The following STEAP4 variants were observed in gnomAD, a reference collection of about 807,000 sequenced individuals.
The protein encoded by STEAP4 is metalloreductase STEAP4.
In STEAP4, 36 loss-of-function variants were observed where a neutral mutation model predicts 43.6. That is an observed-to-expected ratio of 0.83 (90% CI 0.63 to 1.09). STEAP4 has a LOEUF of 1.09. Ranked by LOEUF, STEAP4 falls within the 50% of genes least tolerant of loss-of-function variation. STEAP4 has a pLI of 0.00. For missense variants in STEAP4, 495 were observed against 546.5 expected, an observed-to-expected ratio of 0.91 and a Z score of 0.94; for synonymous variants, 191 against 196.7, an observed-to-expected ratio of 0.97 and a Z score of 0.24.
At chr7:88,299,206 T>C (rs985916172) in intron 1 of STEAP4, among the ~76,000 whole-genome samples, 1 of 152,200 alleles carries the variant, frequency 6.6e-6, no homozygotes, top group Non-Finnish European at 1.5e-5. Context: ...CTAGTTCAAT[T>C]AAAAATCTCA....
chr7:88,295,426 G>A (rs1039058699), intron 1 of STEAP4, among the ~76,000 whole-genome samples: 2 of 152,216 alleles, frequency 1.3e-5, no homozygotes, highest in Non-Finnish European at 2.9e-5. Flanking sequence ...GAATCAGGTA[G>A]AGAGCCTGAA....
rs1443565576 is a variant in STEAP4, at chr7:88,284,052, T to C, written c.218A>G (p.Lys73Arg). ...EVLSYSEAAK[K>R]SGIIIIAIHR... ...GATTGCTATGATTATGATGCCAGAC[T>C]TCTTGGCTGCTTCTGAATAGCTCAA... Residue 73 changes from lysine (K) to arginine (R), a missense_variant, in exon 2 of 5, where the codon AAG becomes AGG. Lys to Arg is a conservative substitution (Grantham distance 26). Coordinates refer to ENST00000380079, the MANE Select transcript of STEAP4 (RefSeq NM_024636.4). 5 of 1,614,142 alleles carry C rather than the reference T, an allele frequency of 3.1e-6. No individual in the cohort carries two copies. The South Asian group carries it at 4.4e-5, about 14-fold the overall frequency.
chr7:88,279,226 A>C lies in STEAP4; in HGVS notation c.*172T>G. 1.6e-6 allele frequency: 1 copy of C among 619,820 alleles called. No individual in the cohort carries two copies. Among genetic ancestry groups the C allele is most frequent in the Non-Finnish European group, 2.8e-6 (1 of 355,386 alleles). The allele number at this position is 619,820 out of a possible 1,614,324, so 38.4% of individuals were successfully genotyped here. ...CTGAGATAAAATGGTGTTCTCTTCCAGTATGTCAGTCAATTTCTCAAAGAC... is the reference window on the plus strand; with the variant it reads ...CTGAGATAAAATGGTGTTCTCTTCCCGTATGTCAGTCAATTTCTCAAAGAC... On this transcript the variant is annotated 3_prime_UTR_variant, in exon 5 of 5. Coordinates refer to ENST00000380079, the MANE Select transcript of STEAP4 (RefSeq NM_024636.4).
chr7:88,271,025 A>T lies in STEAP4; in HGVS notation c.*8373T>A, dbSNP rs913334164. The T allele has an allele frequency of 2.6e-5, 4 of 152,146 alleles. No homozygotes were observed. Among genetic ancestry groups the T allele is most frequent in the Admixed American group, 2.6e-4 (4 of 15,266 alleles). 9.4% of individuals were successfully genotyped at this position (152,146 alleles called of 1,614,324 possible). A position where few individuals can be genotyped will look rare whatever the true frequency, so the allele number is the denominator to read the frequency against. ...GATTAGGGTAATTAGTATATCCATC[A>T]TCTTAAGCATTTATCATTTCTTTCT... On this transcript the variant is annotated 3_prime_UTR_variant, in exon 5 of 5. Transcript: ENST00000380079.
chr7:88,285,931 T>G (rs1335351936), intron 1 of STEAP4, among the ~76,000 whole-genome samples: 1 of 152,164 alleles, frequency 6.6e-6, no homozygotes, highest in African/African-American at 2.4e-5. Context: ...CCCAACAGGT[T>G]TGCCTTGCCT....
rs1852553012 is a variant in STEAP4, at chr7:88,278,523, A to G, written c.*875T>C. On this transcript the variant is annotated 3_prime_UTR_variant, in exon 5 of 5. Transcript: ENST00000380079. ...ATTTACAAAGCATATTATAATACCT[A>G]AATAATACTTAACCTAATATAGTGC... 1 of 152,218 alleles carries G rather than the reference A, an allele frequency of 6.6e-6. No individual in the cohort carries two copies. The highest frequency in any genetic ancestry group is 1.5e-5 in the Non-Finnish European group (1 of 68,036). The allele number at this position is 152,218 out of a possible 1,614,324, so 9.4% of individuals were successfully genotyped here. A position where few individuals can be genotyped will look rare whatever the true frequency, so the allele number is the denominator to read the frequency against.
chr7:88,283,222 A>C, intron 2 of STEAP4, 54 bp from the exon 3 acceptor site: 2 of 1,485,240 alleles, frequency 1.3e-6, no homozygotes, highest in Non-Finnish European at 1.8e-6. Context: ...CTTATTTAAT[A>C]ATTATTTTGA....
rs956657381 is a variant in STEAP4 at position 88,271,082 on chromosome 7, A to G, written c.*8316T>C. 16 of 152,096 alleles carry G rather than the reference A, an allele frequency of 1.1e-4. No homozygotes were observed. The highest frequency in any genetic ancestry group is 3.6e-4 in the African/African-American group (15 of 41,434). 9.4% of individuals were successfully genotyped at this position (152,096 alleles called of 1,614,324 possible). On this transcript the variant is annotated 3_prime_UTR_variant, in exon 5 of 5. Transcript: ENST00000380079. Reference sequence around the variant, plus strand: ...AACATTCAATATCCTCCTTCTAGCTATTTAGAATATATATTATTGTTAACT... The same window carrying G: ...AACATTCAATATCCTCCTTCTAGCTGTTTAGAATATATATTATTGTTAACT...
At chr7:88,305,688 G>T (rs1401956830) in intron 1 of STEAP4, among the ~76,000 whole-genome samples, 2 of 152,124 alleles carry the variant, frequency 1.3e-5, no homozygotes, top group Non-Finnish European at 2.9e-5. Flanking sequence ...GCATTATTAT[G>T]AAAAAAGTAA....
intron 1 of STEAP4, chr7:88,298,283 T>C (rs1852962737): frequency 6.6e-6 from 1 of 152,104 alleles, no homozygotes; most frequent in African/African-American, 2.4e-5. Context: ...TAGCTCTTTT[T>C]AACTGAGTGA....
intron 1 of STEAP4, chr7:88,304,375 C>G (rs778308332): frequency 1.1e-4 from 17 of 152,098 alleles, no homozygotes; most frequent in Non-Finnish European, 2.2e-4. Context: ...CAGGTAACTT[C>G]AGAGATCTTA....
At chr7:88,285,756 C>CAAAAAA (rs371254467) in intron 1 of STEAP4, among the ~76,000 whole-genome samples, 2 of 78,384 alleles carry the variant, frequency 2.6e-5, no homozygotes, top group Non-Finnish European at 5.0e-5. Flanking sequence ...GACTTTGTCT[C>CAAAAAA]AAAAAAAAAA....
chr7:88,289,573 G>A (rs978919293), intron 1 of STEAP4, among the ~76,000 whole-genome samples: 16 of 152,166 alleles, frequency 1.1e-4, no homozygotes, highest in Non-Finnish European at 2.1e-4. Context: ...GAAGTTGCAC[G>A]CCTCCATCAA....
chr7:88,274,160 C>T lies in STEAP4; in HGVS notation c.*5238G>A, dbSNP rs1035318600. 2 of 152,264 alleles carry T rather than the reference C, an allele frequency of 1.3e-5. No homozygotes were observed. The highest frequency in any genetic ancestry group is 2.4e-5 in the African/African-American group (1 of 41,546). 9.4% of individuals were successfully genotyped at this position (152,264 alleles called of 1,614,324 possible). A position where few individuals can be genotyped will look rare whatever the true frequency, so the allele number is the denominator to read the frequency against. ...TAGTTGTGTGAACTTAGTCAAAGTA[C>T]TGAGATTTCAAAGCTCAGTTTCCTC... On this transcript the variant is annotated 3_prime_UTR_variant, in exon 5 of 5. Coordinates refer to ENST00000380079, the MANE Select transcript of STEAP4 (RefSeq NM_024636.4).
rs1294528171 is a variant in STEAP4 at position 88,274,105 on chromosome 7, G to C, written c.*5293C>G. On this transcript the variant is annotated 3_prime_UTR_variant, in exon 5 of 5. Transcript: ENST00000380079. ...TTAAAAGGAGATGGGCCTGGAGTCAGACTGCCTAGATCCCAGCTCTGCCTC... is the reference window on the plus strand; with the variant it reads ...TTAAAAGGAGATGGGCCTGGAGTCACACTGCCTAGATCCCAGCTCTGCCTC... The C allele has an allele frequency of 2.0e-5, 3 of 152,302 alleles. No individual in the cohort carries two copies. The East Asian group carries it at 5.8e-4, about 29-fold the overall frequency. The allele number at this position is 152,302 out of a possible 1,614,324, so 9.4% of individuals were successfully genotyped here.
intron 4 of STEAP4, among the ~76,000 whole-genome samples, chr7:88,280,270 A>G (rs1033311772): frequency 2.6e-5 from 4 of 152,244 alleles, no homozygotes; most frequent in African/African-American, 7.2e-5. Flanking sequence ...ACTCATAATA[A>G]GCATGCATCA....
In STEAP4 at chr7:88,280,960, T is replaced by C. The variant is rs372170845; in HGVS notation, c.1104A>G (p.Pro368=). 17 of 1,612,272 alleles carry C rather than the reference T, an allele frequency of 1.1e-5. No homozygotes were observed. The African/African-American group carries it at 1.6e-4, about 15-fold the overall frequency. The change falls in exon 4 of 5, where the codon CCA becomes CCG. Residue 368 remains proline (P), a synonymous_variant. Coordinates refer to ENST00000380079, the MANE Select transcript of STEAP4 (RefSeq NM_024636.4). ...LFVLLGITSL[P]SVSNAVNWRE... is the part of the protein sequence containing the mutation. Reference sequence around the variant, plus strand: ...TCCAGTTGACTGCATTGCTAACAGATGGCAAAGAAGTGATTCCCAAGAGTA... The same window carrying C: ...TCCAGTTGACTGCATTGCTAACAGACGGCAAAGAAGTGATTCCCAAGAGTA...
At chr7:88,287,282 G>A (rs1852752912) in intron 1 of STEAP4, among the ~76,000 whole-genome samples, 1 of 152,202 alleles carries the variant, frequency 6.6e-6, no homozygotes, top group South Asian at 2.1e-4. Flanking sequence ...CCTAGTCCAA[G>A]AGAACTAGGT....
chr7:88,296,400 A>G (rs28612773), intron 1 of STEAP4, among the ~76,000 whole-genome samples: 1,604 of 152,262 alleles, frequency 0.011, 28 homozygotes, highest in African/African-American at 0.037. Context: ...CAGAGAGTTG[A>G]AATGCAAATA....
Sources: gnomAD v4.1 joint callset for allele counts (sites outside exome capture counted in the v4.1 genomes callset) on GRCh38, gnomAD v4.1.1 for gene constraint, MANE v1.5 for transcripts, NCBI Gene and HGNC (gene_info 2026-07-23, HGNC 2026-07-21) for gene names.